The following TRAPPC9 variants were observed in gnomAD, a reference collection of about 807,000 sequenced individuals.
TRAPPC9 encodes the protein IKK2 binding protein.
A neutral mutation model predicts 124.0 loss-of-function variants in TRAPPC9; 83 were observed. That is an observed-to-expected ratio of 0.67 (90% CI 0.56 to 0.80). The LOEUF (loss-of-function observed/expected upper bound fraction) is 0.80. Among genes scored for constraint, TRAPPC9 ranks in the 30% least tolerant of loss-of-function variants. The pLI, the probability that TRAPPC9 is intolerant of heterozygous loss-of-function variation, is 0.00. For missense variants in TRAPPC9, 1,302 were observed against 1,508.3 expected, an observed-to-expected ratio of 0.86 and a Z score of 2.27; for synonymous variants, 638 against 617.5, an observed-to-expected ratio of 1.03 and a Z score of -0.49.
intron 21 of TRAPPC9, among the ~76,000 whole-genome samples, chr8:139,737,477 C>G (rs1004753100): frequency 3.1e-5 from 4 of 129,948 alleles, no homozygotes; most frequent in African/African-American, 1.1e-4. Context: ...CCCCCCCCCC[C>G]CACGGAAAAC....
chr8:139,826,578 G>A (rs114023587), intron 21 of TRAPPC9, among the ~76,000 whole-genome samples: 2,683 of 152,288 alleles, frequency 0.018, 76 homozygotes, highest in African/African-American at 0.059. Context: ...GCAGCAGGAG[G>A]GGATAGCGGA....
chr8:140,351,510 T>C (rs1314237506), intron 9 of TRAPPC9, among the ~76,000 whole-genome samples: 1 of 152,102 alleles, frequency 6.6e-6, no homozygotes, highest in Non-Finnish European at 1.5e-5. Context: ...GGCTCATGCC[T>C]GTAATTCCAA....
intron 2 of TRAPPC9, among the ~76,000 whole-genome samples, chr8:140,450,293 G>A (rs1266635982): frequency 1.3e-5 from 2 of 152,166 alleles, no homozygotes; most frequent in African/African-American, 4.8e-5. Context: ...CCCGGGAGGT[G>A]CACGTTGCAC....
intron 17 of TRAPPC9, among the ~76,000 whole-genome samples, chr8:140,118,518 G>A (rs1587743511): frequency 6.6e-6 from 1 of 152,320 alleles, no homozygotes; most frequent in Non-Finnish European, 1.5e-5. Context: ...TCTGTGCACA[G>A]GAAAGGCCTC....
chr8:139,931,032 A>C (rs1833110075), intron 19 of TRAPPC9: 1 of 152,164 alleles, frequency 6.6e-6, no homozygotes, highest in Non-Finnish European at 1.5e-5. Flanking sequence ...TCCAGGAAGC[A>C]ACCCCGAGGC....
chr8:140,305,609 T>G (rs1158772874), intron 10 of TRAPPC9, among the ~76,000 whole-genome samples: 2 of 152,218 alleles, frequency 1.3e-5, no homozygotes, highest in Non-Finnish European at 2.9e-5. Flanking sequence ...ACCCAGGAAT[T>G]TTTTAAAATA....
intron 5 of TRAPPC9, among the ~76,000 whole-genome samples, chr8:140,409,563 T>G (rs920281230): frequency 2.6e-5 from 4 of 152,160 alleles, no homozygotes; most frequent in Admixed American, 1.3e-4. Context: ...AACATCCACA[T>G]GCAGAAGAGT....
At chr8:139,972,031 G>A (rs146460222) in intron 19 of TRAPPC9, among the ~76,000 whole-genome samples, 1,654 of 152,038 alleles carry the variant, frequency 0.011, 12 homozygotes, top group Non-Finnish European at 0.019. Context: ...TCACCATGTT[G>A]GCCAGGCTGA....
chr8:140,363,297 C>T (rs2068011231), intron 8 of TRAPPC9, among the ~76,000 whole-genome samples: 1 of 152,216 alleles, frequency 6.6e-6, no homozygotes, highest in South Asian at 2.1e-4. Context: ...GTTCCTTCCT[C>T]GACCGTCTAT....
chr8:139,741,945 C>T (rs1015984555), intron 21 of TRAPPC9, among the ~76,000 whole-genome samples: 8 of 152,206 alleles, frequency 5.3e-5, no homozygotes, highest in Non-Finnish European at 1.2e-4. Context: ...GGGCTGTTTC[C>T]ACCTTTGGCT....
At chr8:139,925,913 G>C (rs1832792314) in intron 19 of TRAPPC9, among the ~76,000 whole-genome samples, 1 of 152,138 alleles carries the variant, frequency 6.6e-6, no homozygotes, top group African/African-American at 2.4e-5. Context: ...CGTGAAATGA[G>C]ATTTGAGCCA....
intron 21 of TRAPPC9, among the ~76,000 whole-genome samples, chr8:139,876,117 C>A (rs893316284): frequency 3.9e-5 from 6 of 152,218 alleles, no homozygotes; most frequent in African/African-American, 1.4e-4. Context: ...ATAAACAAAG[C>A]TCCCCACATG....
chr8:140,137,398 C>A (rs998825901), intron 17 of TRAPPC9, among the ~76,000 whole-genome samples: 5 of 152,210 alleles, frequency 3.3e-5, no homozygotes, highest in Non-Finnish European at 5.9e-5. Context: ...TGTCCAAGAT[C>A]ACTCATCATA....
intron 21 of TRAPPC9, among the ~76,000 whole-genome samples, chr8:139,766,544 C>T (rs572668056): frequency 1.4e-4 from 22 of 152,336 alleles, no homozygotes; most frequent in Admixed American, 6.5e-4. Context: ...GTACTGACTT[C>T]TGCACCAGGG....
chr8:139,787,659 C>T (rs1822360214), intron 21 of TRAPPC9, among the ~76,000 whole-genome samples: 3 of 152,150 alleles, frequency 2.0e-5, no homozygotes, highest in Admixed American at 6.5e-5. Flanking sequence ...TAAAAACTGG[C>T]GACTATTAAC....
chr8:139,969,688 G>A (rs958244484), intron 19 of TRAPPC9, among the ~76,000 whole-genome samples: 5 of 152,230 alleles, frequency 3.3e-5, no homozygotes, highest in Admixed American at 6.5e-5. Context: ...GTGGGATGCC[G>A]TGGAATGCTC....
In TRAPPC9 at chr8:139,729,767, T is replaced by C. The variant is rs574858940; in HGVS notation, c.*1294A>G. On this transcript the variant is annotated 3_prime_UTR_variant, in exon 23 of 23. Transcript: ENST00000438773. ...CTGATGCCAACATGACTCTGCCCCA[T>C]GGGAGGCCAGGGCAGCCACTTCCTG... 1.3e-5 allele frequency among the ~76,000 whole-genome samples: 2 copies of C among 152,222 alleles called. No homozygotes were observed. The highest frequency in any genetic ancestry group is 1.9e-4 in the East Asian group (1 of 5,152).
chr8:140,231,040 G>A (rs1040499898), intron 16 of TRAPPC9, among the ~76,000 whole-genome samples: 97 of 152,348 alleles, frequency 6.4e-4, no homozygotes, highest in African/African-American at 2.2e-3. Flanking sequence ...TAGAGTGCTA[G>A]GGGCAGGAAG....
At chr8:139,756,122 A>G (rs1475515462) in intron 21 of TRAPPC9, among the ~76,000 whole-genome samples, 80 of 32,002 alleles carry the variant, frequency 2.5e-3, no homozygotes, top group East Asian at 3.9e-3. Flanking sequence ...GCCAGGGATT[A>G]GGGATGAGGA....
Sources: allele counts gnomAD v4.1 joint callset (sites outside exome capture counted in the v4.1 genomes callset), GRCh38; gene constraint gnomAD v4.1.1; transcripts MANE v1.5; gene names NCBI Gene and HGNC (gene_info 2026-07-23, HGNC 2026-07-21).